Variants in TTC29 observed in about 807,000 individuals in gnomAD.
TTC29 encodes the protein tetratricopeptide repeat protein 29.
Under a neutral mutation model 58.1 loss-of-function variants are expected in TTC29, and 49 were observed. That is an observed-to-expected ratio of 0.84 (90% confidence interval 0.67 to 1.07). The LOEUF (loss-of-function observed/expected upper bound fraction) is 1.07. Ranked by LOEUF, TTC29 falls within the 50% of genes least tolerant of loss-of-function variation. The pLI, the probability that TTC29 is intolerant of heterozygous loss-of-function variation, is 0.00. For synonymous variants in TTC29, 209 were observed against 196.8 expected (o/e 1.06, Z -0.52); for missense variants, 582 against 555.6 (o/e 1.05, Z -0.48).
At chr4:146,770,096 T>A (rs1027618837) in intron 11 of TTC29, among the ~76,000 whole-genome samples, 1 of 151,996 alleles carries the variant, frequency 6.6e-6, no homozygotes, top group African/African-American at 2.4e-5. Flanking sequence ...TAGTTGTTCC[T>A]TAGGCTCACT....
intron 10 of TTC29, among the ~76,000 whole-genome samples, chr4:146,811,534 C>T (rs1336772594): frequency 6.6e-6 from 1 of 152,180 alleles, no homozygotes; most frequent in Non-Finnish European, 1.5e-5. Context: ...CCCCACCAAA[C>T]ACACAAAAAC....
chr4:146,735,258 G>T (rs1167129176), intron 11 of TTC29, among the ~76,000 whole-genome samples: 3 of 152,096 alleles, frequency 2.0e-5, no homozygotes, highest in Admixed American at 2.0e-4. Context: ...TAGTCAACGT[G>T]GGGGAAGGGA....
chr4:146,756,705 G>A (rs990586236), intron 11 of TTC29, among the ~76,000 whole-genome samples: 3 of 151,576 alleles, frequency 2.0e-5, no homozygotes, highest in Non-Finnish European at 4.4e-5. Flanking sequence ...CAGACTTCTT[G>A]GAGTCTTTGT....
intron 11 of TTC29, among the ~76,000 whole-genome samples, chr4:146,757,282 G>A (rs536778997): frequency 1.2e-4 from 18 of 151,950 alleles, no homozygotes; most frequent in South Asian, 1.0e-3. Context: ...CCTGTGAGCC[G>A]AACTGCAGTG....
At chr4:146,794,534 T>C (rs1053711091) in intron 11 of TTC29, among the ~76,000 whole-genome samples, 3 of 152,110 alleles carry the variant, frequency 2.0e-5, no homozygotes, top group African/African-American at 4.8e-5. Flanking sequence ...ATGGTTATTT[T>C]GACCAAATTT....
intron 11 of TTC29, among the ~76,000 whole-genome samples, chr4:146,748,276 CTAGGG>C (rs1234629418): frequency 9.9e-5 from 15 of 152,192 alleles, no homozygotes; most frequent in African/African-American, 3.6e-4. Flanking sequence ...GCCTGAGCTT[CTAGGG>C]TATGCCTTAG....
intron 2 of TTC29, chr4:146,942,715 C>A: frequency 7.9e-7 from 1 of 1,267,252 alleles, no homozygotes; most frequent in Non-Finnish European, 1.1e-6. Flanking sequence ...GAGAAGAAAA[C>A]AACTAAGTTT....
At chr4:146,840,105 C>T (rs1183152294) in intron 8 of TTC29, among the ~76,000 whole-genome samples, 2 of 151,658 alleles carry the variant, frequency 1.3e-5, no homozygotes, top group African/African-American at 4.8e-5. Flanking sequence ...AGCCAGCTTC[C>T]TTGTCTTGAA....
At chr4:146,902,218 T>A (rs10025867) in intron 6 of TTC29, among the ~76,000 whole-genome samples, 14,715 of 152,092 alleles carry the variant, frequency 0.097, 873 homozygotes, top group East Asian at 0.19. Flanking sequence ...TCACACTCCT[T>A]TCCTTGCCCT....
At chr4:146,940,189 A>T (rs571841784) in intron 2 of TTC29, among the ~76,000 whole-genome samples, 19 of 152,338 alleles carry the variant, frequency 1.2e-4, no homozygotes, top group African/African-American at 4.6e-4. Context: ...TTCAGTTGGC[A>T]TCTTTGGTAA....
At chr4:146,777,604 C>CTG (rs1748207626) in intron 11 of TTC29, among the ~76,000 whole-genome samples, 1 of 152,176 alleles carries the variant, frequency 6.6e-6, no homozygotes, top group African/African-American at 2.4e-5. Flanking sequence ...CCTTTCTTCT[C>CTG]CAGCTGCAGT....
intron 8 of TTC29, among the ~76,000 whole-genome samples, chr4:146,858,007 G>C (rs1000241537): frequency 1.3e-5 from 2 of 152,142 alleles, no homozygotes; most frequent in Non-Finnish European, 2.9e-5. Flanking sequence ...ATGAAGTAGA[G>C]ACTTTGAATG....
At chr4:146,805,088 A>C (rs1266120239) in intron 10 of TTC29, among the ~76,000 whole-genome samples, 4 of 152,182 alleles carry the variant, frequency 2.6e-5, no homozygotes, top group African/African-American at 9.7e-5. Context: ...ATACCCAGGC[A>C]AACAGGGTCT....
intron 8 of TTC29, among the ~76,000 whole-genome samples, chr4:146,840,481 A>G (rs1037312414): frequency 6.6e-6 from 1 of 152,090 alleles, no homozygotes; most frequent in Admixed American, 6.6e-5. Flanking sequence ...AGGAAATAAG[A>G]CTTACAGACA....
intron 6 of TTC29, among the ~76,000 whole-genome samples, chr4:146,901,376 T>G (rs1733138182): frequency 6.6e-6 from 1 of 152,182 alleles, no homozygotes; most frequent in Non-Finnish European, 1.5e-5. Context: ...ATAAATATAT[T>G]TTACATTGTT....
At chr4:146,805,019 C>T (rs983713283) in intron 10 of TTC29, among the ~76,000 whole-genome samples, 5 of 152,218 alleles carry the variant, frequency 3.3e-5, no homozygotes, top group African/African-American at 9.6e-5. Context: ...CCCTCTGGGA[C>T]GAAGCTTCCA....
intron 8 of TTC29, among the ~76,000 whole-genome samples, chr4:146,863,911 C>T (rs1049972989): frequency 6.6e-6 from 1 of 152,120 alleles, no homozygotes; most frequent in Non-Finnish European, 1.5e-5. Flanking sequence ...TTAAATGATG[C>T]CCATCCACAT....
intron 11 of TTC29, among the ~76,000 whole-genome samples, chr4:146,738,354 G>A (rs1744875899): frequency 6.6e-6 from 1 of 152,148 alleles, no homozygotes; most frequent in Admixed American, 6.6e-5. Context: ...AGTTATCCCA[G>A]GTATCTGAAG....
intron 8 of TTC29, among the ~76,000 whole-genome samples, chr4:146,860,265 T>C (rs1730140518): frequency 6.6e-6 from 1 of 152,158 alleles, no homozygotes; most frequent in Non-Finnish European, 1.5e-5. Flanking sequence ...AATAAATCAT[T>C]GATAGAAATT....
Sources: allele counts gnomAD v4.1 joint callset (sites outside exome capture counted in the v4.1 genomes callset), GRCh38; gene constraint gnomAD v4.1.1; transcripts MANE v1.5; gene names NCBI Gene and HGNC (gene_info 2026-07-23, HGNC 2026-07-21).